Variants in RBM27 observed in about 807,000 individuals in gnomAD.
RBM27 encodes the protein RNA-binding protein 27.
Under a neutral mutation model 135.3 loss-of-function variants are expected in RBM27, and 22 were observed. The ratio of observed to expected loss-of-function variants is 0.16; its 90% confidence interval spans 0.12 to 0.23. The LOEUF (loss-of-function observed/expected upper bound fraction) is 0.23, where lower values mean the gene tolerates loss of function less well. Among genes scored for constraint, RBM27 ranks in the 10% least tolerant of loss-of-function variants. The pLI is 1.00. For missense variants in RBM27, 1,009 were observed against 1,281.0 expected (o/e 0.79, Z 3.24); for synonymous variants, 481 against 442.4 (o/e 1.09, Z -1.10).
intron 5 of RBM27, 119 bp from the exon 6 acceptor site, chr5:146,230,538 A>G: frequency 1.9e-6 from 2 of 1,035,982 alleles, no homozygotes; most frequent in South Asian, 1.6e-5. Context: ...TGAAATATGG[A>G]TAGCTAGATA....
chr5:146,284,967 A>G (rs1444571832), intron 20 of RBM27, among the ~76,000 whole-genome samples: 3 of 152,130 alleles, frequency 2.0e-5, no homozygotes, highest in Admixed American at 6.5e-5. Flanking sequence ...TTACATTTAT[A>G]TTGGATTTAT....
chr5:146,208,238 G>A (rs1405632123), intron 1 of RBM27, among the ~76,000 whole-genome samples: 2 of 152,186 alleles, frequency 1.3e-5, no homozygotes, highest in Admixed American at 1.3e-4. Context: ...ACAGGCGTGA[G>A]CCACTGCGCC....
intron 3 of RBM27, among the ~76,000 whole-genome samples, chr5:146,225,368 A>G (rs2126729544): frequency 6.6e-6 from 1 of 152,284 alleles, no homozygotes; most frequent in East Asian, 1.9e-4. Flanking sequence ...TTTAAATGCT[A>G]GGCTGATTGA....
chr5:146,238,445 T>C (rs1187821418), intron 8 of RBM27, among the ~76,000 whole-genome samples: 6 of 152,122 alleles, frequency 3.9e-5, no homozygotes, highest in African/African-American at 1.4e-4. Context: ...GAGGCGGAGG[T>C]TGCAGTGAGC....
At chr5:146,256,829 G>A (rs1250502856) in intron 10 of RBM27, among the ~76,000 whole-genome samples, 1 of 151,820 alleles carries the variant, frequency 6.6e-6, no homozygotes, top group African/African-American at 2.4e-5. Context: ...TTGTTGTCTT[G>A]GGTAAGTCAC....
intron 1 of RBM27, among the ~76,000 whole-genome samples, chr5:146,218,119 A>C (rs1239821275): frequency 6.6e-6 from 1 of 151,884 alleles, no homozygotes; most frequent in Non-Finnish European, 1.5e-5. Context: ...TTATGTATTC[A>C]TCAGGAAGCC....
At chr5:146,210,987 G>A (rs1279654648) in intron 1 of RBM27, among the ~76,000 whole-genome samples, 1 of 149,748 alleles carries the variant, frequency 6.7e-6, no homozygotes, top group Non-Finnish European at 1.5e-5. Flanking sequence ...AAATTGCCTA[G>A]TTGGCTGGGC....
At chr5:146,285,373 C>A (rs113765349) in intron 20 of RBM27, among the ~76,000 whole-genome samples, 18 of 152,156 alleles carry the variant, frequency 1.2e-4, no homozygotes, top group African/African-American at 4.1e-4. Context: ...CAAGTGTCTT[C>A]TCACTATATA....
At chr5:146,227,210 T>C (rs1361110525) in intron 3 of RBM27, among the ~76,000 whole-genome samples, 2 of 152,262 alleles carry the variant, frequency 1.3e-5, no homozygotes, top group African/African-American at 4.8e-5. Flanking sequence ...CCATGATTTA[T>C]GAAGCACACT....
At chr5:146,207,854 C>T (rs1755760624) in intron 1 of RBM27, among the ~76,000 whole-genome samples, 2 of 149,106 alleles carry the variant, frequency 1.3e-5, no homozygotes, top group African/African-American at 2.5e-5. Flanking sequence ...GGGGTTTCAC[C>T]GTGTTGGTCA....
chr5:146,277,069 A>G (rs1477136271), intron 19 of RBM27, among the ~76,000 whole-genome samples: 3 of 152,214 alleles, frequency 2.0e-5, no homozygotes, highest in African/African-American at 7.2e-5. Flanking sequence ...GAAATATGGC[A>G]ATGGTAATTC....
At chr5:146,208,555 G>C (rs550489181) in intron 1 of RBM27, among the ~76,000 whole-genome samples, 1 of 152,196 alleles carries the variant, frequency 6.6e-6, no homozygotes, top group South Asian at 2.1e-4. Context: ...ACTAGACTCA[G>C]TTCTTGTTTG....
intron 7 of RBM27, among the ~76,000 whole-genome samples, chr5:146,237,062 C>T (rs561212548): frequency 6.6e-6 from 1 of 151,132 alleles, no homozygotes; most frequent in Admixed American, 6.7e-5. Flanking sequence ...CCTCAGCCTC[C>T]TGAGTAGCTG....
intron 3 of RBM27, among the ~76,000 whole-genome samples, chr5:146,225,770 TG>T (rs1756646592): frequency 6.6e-6 from 1 of 152,134 alleles, no homozygotes. Flanking sequence ...TTCACCATAT[TG>T]GCCAGGCTGG....
chr5:146,211,480 T>TTTTTTTTTTTTTTTTTTTG (rs1474208147), intron 1 of RBM27, among the ~76,000 whole-genome samples: 1 of 135,458 alleles, frequency 7.4e-6, no homozygotes, highest in Non-Finnish European at 1.6e-5. Context: ...TTTTTTTTTT[T>TTTTTTTTTTTTTTTTTTTG]TTTTTTTTTT....
rs1209488335 is a variant in RBM27 at position 146,203,742 on chromosome 5, G to A, written c.-24G>A. The A allele has an allele frequency of 1.9e-6, 3 of 1,548,844 alleles. No homozygotes were observed. The highest frequency in any genetic ancestry group is 2.4e-5 in the South Asian group (2 of 83,806). On this transcript the variant is annotated 5_prime_UTR_variant, in exon 1 of 21. Coordinates refer to ENST00000265271, the MANE Select transcript of RBM27 (RefSeq NM_018989.2). ...CACGGCAGGCCTGAAGAAGAGCGGC[G>A]GCCGAGCCCGCCTTCCCTGCACCAT...
chr5:146,249,010 T>C (rs1274226950), intron 8 of RBM27, among the ~76,000 whole-genome samples: 1 of 152,114 alleles, frequency 6.6e-6, no homozygotes. Flanking sequence ...AAAGACAGCA[T>C]CTCACCCTGT....
chr5:146,281,932 G>T (rs908110602), intron 19 of RBM27, among the ~76,000 whole-genome samples: 1 of 149,700 alleles, frequency 6.7e-6, no homozygotes, highest in East Asian at 2.0e-4. Flanking sequence ...GTTTTTACAT[G>T]TAACATTAAT....
chr5:146,251,078 C>T (rs1291635507), intron 8 of RBM27, among the ~76,000 whole-genome samples: 1 of 152,126 alleles, frequency 6.6e-6, no homozygotes, highest in Non-Finnish European at 1.5e-5. Flanking sequence ...GCCACCGTGC[C>T]TGGCCTGTCC....
Sources: gnomAD v4.1 joint callset for allele counts (sites outside exome capture counted in the v4.1 genomes callset) on GRCh38, gnomAD v4.1.1 for gene constraint, MANE v1.5 for transcripts, NCBI Gene and HGNC (gene_info 2026-07-23, HGNC 2026-07-21) for gene names.